The following PPP1R3F variants were observed in gnomAD, a reference collection of about 807,000 sequenced individuals.
The protein encoded by PPP1R3F is protein phosphatase 1 regulatory subunit 3F, also known as protein phosphatase 1, regulatory (inhibitor) subunit 3F.
Under a neutral mutation model 24.2 loss-of-function variants are expected in PPP1R3F, and 29 were observed. The ratio of observed to expected loss-of-function variants is 1.20; its 90% confidence interval spans 0.89 to 1.63. The LOEUF (loss-of-function observed/expected upper bound fraction) is 1.63, where lower values mean the gene tolerates loss of function less well. Ranked by LOEUF, PPP1R3F falls within the 40% of genes most tolerant of loss-of-function variation. PPP1R3F has a pLI of 0.00. For synonymous variants in PPP1R3F, 363 were observed against 340.1 expected (o/e 1.07, Z -0.74); for missense variants, 823 against 729.3 (o/e 1.13, Z -1.48).
intron 1 of PPP1R3F, among the ~76,000 whole-genome samples, chrX:49,280,256 T>TTTGTC (rs1172881106): frequency 9.0e-6 from 1 of 111,358 alleles, no homozygotes; most frequent in Admixed American, 9.6e-5. Context: ...TTTGTTTTGT[T>TTTGTC]TTGTTTTTGT....
intron 3 of PPP1R3F, among the ~76,000 whole-genome samples, chrX:49,293,564 G>C (rs782359930): frequency 3.6e-5 from 4 of 112,240 alleles, no homozygotes; most frequent in African/African-American, 1.3e-4. Context: ...GTGAACTAAG[G>C]TACACAAAGA....
downstream of PPP1R3F, among the ~76,000 whole-genome samples, chrX:49,291,575 G>C (rs1309408626): frequency 9.1e-6 from 1 of 110,180 alleles, no homozygotes; most frequent in Non-Finnish European, 1.9e-5. Context: ...TGATCCACCC[G>C]CCTCAGCCTC....
In PPP1R3F at chrX:49,287,212, C is replaced by G; in HGVS notation, c.*122C>G. ...AGAGAGGCCTTCTCATCCCCAAGCTCTCCAGTCAACACAGGGCTCCCTGTG... is the reference window on the plus strand; with the variant it reads ...AGAGAGGCCTTCTCATCCCCAAGCTGTCCAGTCAACACAGGGCTCCCTGTG... On this transcript the variant is annotated 3_prime_UTR_variant, in exon 4 of 4. Transcript: ENST00000055335. The G allele has an allele frequency of 1.0e-5, 7 of 700,775 alleles. No homozygotes were observed. The highest frequency in any genetic ancestry group is 1.5e-5 in the Non-Finnish European group (7 of 479,256). The allele number at this position is 700,775 out of a possible 1,213,427, so 57.8% of individuals were successfully genotyped here.
At chrX:49,277,703 G>T (rs782276909) in intron 1 of PPP1R3F, among the ~76,000 whole-genome samples, 5 of 112,460 alleles carry the variant, frequency 4.4e-5, no homozygotes, top group African/African-American at 1.3e-4. Flanking sequence ...AAGATAACTT[G>T]TTTCTTTTTA....
At chrX:49,291,697 G>A (rs782580966), downstream of PPP1R3F, among the ~76,000 whole-genome samples, 48 of 109,616 alleles carry the variant, frequency 4.4e-4, no homozygotes, top group Non-Finnish European at 8.2e-4. Flanking sequence ...CCATTTACAG[G>A]TGAGGGCCTT....
Position 49,270,076 on chromosome X carries a change from C to T in PPP1R3F, c.207C>T (p.Ala69=), listed in dbSNP as rs782625581. ...GPGAGKMAAA[A]GQDGGGGGGA... ...GGGCGGGCAAGATGGCGGCGGCGGC[C>T]GGGCAAGATGGCGGCGGCGGCGGCG... The change falls in exon 1 of 4, where the codon GCC becomes GCT. Residue 69 remains alanine (A), a synonymous_variant. Transcript: ENST00000055335. 22 of 995,523 alleles carry T rather than the reference C, an allele frequency of 2.2e-5. No individual in the cohort carries two copies. Among genetic ancestry groups the T allele is most frequent in the Non-Finnish European group, 2.6e-5 (21 of 793,506 alleles). The allele number at this position is 995,523 out of a possible 1,213,427, so 82.0% of individuals were successfully genotyped here.
At position 49,286,987 on chromosome X, in the gene PPP1R3F, C is replaced by T. The variant is rs1557121768; in HGVS notation, c.2297C>T (p.Thr766Ile). The change falls in exon 4 of 4, where the codon ACT (threonine) becomes ATT (isoleucine). Residue 766 changes from threonine (T) to isoleucine (I), a missense_variant. Thr to Ile is a moderately conservative substitution (Grantham distance 89). Coordinates refer to ENST00000055335, the MANE Select transcript of PPP1R3F (RefSeq NM_033215.5). ...CAGCTCCGGGGGCCCTTGACCCAGA[C>T]TCTGGGGGTCCTGGCCGGGCTAGTG... ...PPQLRGPLTQ[T>I]LGVLAGLVVV... 8.3e-7 allele frequency: 1 copy of T among 1,210,689 alleles called. No homozygotes were observed. The highest frequency in any genetic ancestry group is 1.1e-6 in the Non-Finnish European group (1 of 895,235).
downstream of PPP1R3F, among the ~76,000 whole-genome samples, chrX:49,289,074 C>T (rs1239134960): frequency 1.8e-5 from 2 of 111,301 alleles, no homozygotes; most frequent in Admixed American, 9.6e-5. Context: ...TGCAGTGAGC[C>T]GAGATGGCAC....
At chrX:49,276,310 T>C (rs928678930) in intron 1 of PPP1R3F, among the ~76,000 whole-genome samples, 2 of 112,604 alleles carry the variant, frequency 1.8e-5, no homozygotes, top group South Asian at 7.3e-4. Flanking sequence ...TTCAAATATT[T>C]CTTTGATCTG....
intron 1 of PPP1R3F, chrX:49,275,873 CACAGGAAGGCCCA>C (rs2066209407): frequency 8.9e-6 from 1 of 112,145 alleles, no homozygotes; most frequent in Non-Finnish European, 1.9e-5. Context: ...GGGGCTGATG[CACAGGAAGGCCCA>C]CTGTCTTTCA....
intron 3 of PPP1R3F, chrX:49,301,271 A>G: frequency 2.3e-6 from 1 of 433,011 alleles, no homozygotes; most frequent in Non-Finnish European, 4.0e-6. Context: ...CCCAAACTGT[A>G]GTATGCTTTA....
intron 1 of PPP1R3F, among the ~76,000 whole-genome samples, chrX:49,271,913 GGTTTCCTCTATCAAGCTATGA>G (rs2066182707): frequency 8.9e-6 from 1 of 112,108 alleles, no homozygotes; most frequent in South Asian, 3.7e-4. Flanking sequence ...GATTTCCCTA[GGTTTCCTCTATCAAGCTATGA>G]GTTCTTTAAG....
At chrX:49,283,128 C>A (rs958536334) in intron 3 of PPP1R3F, among the ~76,000 whole-genome samples, 1 of 111,239 alleles carries the variant, frequency 9.0e-6, no homozygotes, top group African/African-American at 3.3e-5. Flanking sequence ...AATATCAACA[C>A]GTGCTCATTC....
At chrX:49,284,976 A>T (rs2066272484) in intron 3 of PPP1R3F, among the ~76,000 whole-genome samples, 1 of 111,330 alleles carries the variant, frequency 9.0e-6, no homozygotes, top group Non-Finnish European at 1.9e-5. Context: ...TAAAGAGAAG[A>T]TGATACATCA....
intron 3 of PPP1R3F, among the ~76,000 whole-genome samples, chrX:49,299,582 C>T (rs1340596291): frequency 8.9e-6 from 1 of 112,050 alleles, no homozygotes; most frequent in Non-Finnish European, 1.9e-5. Context: ...CAGGCAGGAA[C>T]ATTTAAGTCT....
chrX:49,290,125 G>T (rs2066304486), downstream of PPP1R3F, among the ~76,000 whole-genome samples: 1 of 111,441 alleles, frequency 9.0e-6, no homozygotes, highest in Admixed American at 9.5e-5. Context: ...CTTATGCAAA[G>T]ACCTCACAAG....
chrX:49,299,033 A>G (rs1364662221), intron 3 of PPP1R3F, among the ~76,000 whole-genome samples: 1 of 110,465 alleles, frequency 9.1e-6, no homozygotes, highest in Non-Finnish European at 1.9e-5. Context: ...TTCTCGGTCC[A>G]GTTTTATTTC....
intron 3 of PPP1R3F, among the ~76,000 whole-genome samples, chrX:49,284,316 C>T (rs1177813483): frequency 2.7e-5 from 3 of 110,731 alleles, no homozygotes; most frequent in African/African-American, 9.8e-5. Flanking sequence ...CTGGAAACAG[C>T]CATTTCTTTC....
chrX:49,271,008 G>GT lies in PPP1R3F; in HGVS notation c.1004+136dup, dbSNP rs1483668725. Reference sequence around the variant, plus strand: ...GTGCATTGAGTCAGTCAGTCAAAGAGTGATGGAGGTCAAACACGTGCTAGG... The same window carrying GT: ...GTGCATTGAGTCAGTCAGTCAAAGAGTTGATGGAGGTCAAACACGTGCTAGG... On this transcript the variant is annotated intron_variant, in intron 1 of 3. Coordinates refer to ENST00000055335, the MANE Select transcript of PPP1R3F (RefSeq NM_033215.5). The GT allele has an allele frequency of 4.9e-6, 3 of 616,616 alleles. No individual in the cohort carries two copies. In the African/African-American group the frequency reaches 6.8e-5, roughly 14 times the overall value. 50.8% of individuals were successfully genotyped at this position (616,616 alleles called of 1,213,427 possible). A position where few individuals can be genotyped will look rare whatever the true frequency, so the allele number is the denominator to read the frequency against.
Sources: allele counts gnomAD v4.1 joint callset (sites outside exome capture counted in the v4.1 genomes callset), GRCh38; gene constraint gnomAD v4.1.1; transcripts MANE v1.5; gene names NCBI Gene and HGNC (gene_info 2026-07-23, HGNC 2026-07-21).